The following SLC8A1 variants were observed in gnomAD, a reference collection of about 807,000 sequenced individuals.
The protein encoded by SLC8A1 is sodium/calcium exchanger 1.
A neutral mutation model predicts 68.3 loss-of-function variants in SLC8A1; 18 were observed. The observed-to-expected ratio is 0.26, with a 90% CI of 0.18 to 0.39. The LOEUF (loss-of-function observed/expected upper bound fraction) is 0.39, where lower values mean the gene tolerates loss of function less well. Among genes scored for constraint, SLC8A1 ranks in the 10% least tolerant of loss-of-function variants. SLC8A1 has a pLI of 1.00. For synonymous variants in SLC8A1, 475 were observed against 415.5 expected, an observed-to-expected ratio of 1.14 and a Z score of -1.74; for missense variants, 985 against 1,156.7, an observed-to-expected ratio of 0.85 and a Z score of 2.15.
At chr2:40,160,687 A>T in intron 6 of SLC8A1, 78 bp downstream of exon 9, 1 of 1,287,140 alleles carries the variant, frequency 7.8e-7, no homozygotes, top group Non-Finnish European at 1.1e-6. Context: ...GCTTTGCCAT[A>T]GACCAAGTAG....
chr2:40,286,966 G>A (rs2068419527), intron 2 of SLC8A1, among the ~76,000 whole-genome samples: 1 of 152,192 alleles, frequency 6.6e-6, no homozygotes, highest in Non-Finnish European at 1.5e-5. Context: ...AGTGCAATTT[G>A]AGACATGGAG....
At chr2:40,445,943 G>C (rs141421980) in intron 1 of SLC8A1, among the ~76,000 whole-genome samples, 40 of 152,294 alleles carry the variant, frequency 2.6e-4, no homozygotes, top group African/African-American at 8.7e-4. Context: ...CTTGGATGTA[G>C]AGTAAGCAGT....
chr2:40,139,820 A>G (rs2041222638), intron 6 of SLC8A1, 144 bp from the exon 10 acceptor site: 1 of 798,768 alleles, frequency 1.3e-6, no homozygotes, highest in East Asian at 2.5e-5. Flanking sequence ...GGGTTTTCCA[A>G]GAGTTAATCA....
At chr2:40,387,315 G>A (rs544460614) in intron 2 of SLC8A1, among the ~76,000 whole-genome samples, 1 of 151,370 alleles carries the variant, frequency 6.6e-6, no homozygotes, top group Non-Finnish European at 1.5e-5. Flanking sequence ...CATTACTGTG[G>A]CATGTAGAAG....
At chr2:40,212,281 A>ATGTGT (rs371395367) in intron 2 of SLC8A1, among the ~76,000 whole-genome samples, 1 of 118,212 alleles carries the variant, frequency 8.5e-6, no homozygotes, top group Non-Finnish European at 1.8e-5. Flanking sequence ...GAGATGCAAT[A>ATGTGT]TCTTTTTTTT....
intron 2 of SLC8A1, among the ~76,000 whole-genome samples, chr2:40,356,326 C>G (rs1672649471): frequency 6.6e-6 from 1 of 152,178 alleles, no homozygotes; most frequent in East Asian, 1.9e-4. Context: ...TTATGACTGA[C>G]TGACTGACTG....
intron 2 of SLC8A1, among the ~76,000 whole-genome samples, chr2:40,220,892 C>G (rs183810174): frequency 1.0e-3 from 154 of 151,698 alleles, no homozygotes; most frequent in African/African-American, 3.6e-3. Context: ...AAAGTCCTAT[C>G]AACCAAAAAA....
intron 2 of SLC8A1, among the ~76,000 whole-genome samples, chr2:40,349,345 A>G (rs1268879868): frequency 6.6e-6 from 1 of 152,224 alleles, no homozygotes; most frequent in Non-Finnish European, 1.5e-5. Flanking sequence ...GTGGGCAGGA[A>G]GAGAAAGAGG....
intron 7 of SLC8A1, among the ~76,000 whole-genome samples, chr2:40,126,756 C>T (rs916384818): frequency 2.0e-5 from 3 of 152,026 alleles, no homozygotes; most frequent in East Asian, 1.9e-4. Context: ...TCCATGATCT[C>T]GTTTAATTTT....
chr2:40,329,442 C>T (rs980521649), intron 2 of SLC8A1, among the ~76,000 whole-genome samples: 4 of 152,180 alleles, frequency 2.6e-5, no homozygotes, highest in African/African-American at 7.2e-5. Context: ...AAGGGCTGAA[C>T]TTCCTCTTGC....
intron 2 of SLC8A1, among the ~76,000 whole-genome samples, chr2:40,211,760 G>A (rs1263919470): frequency 1.3e-5 from 2 of 152,180 alleles, no homozygotes; most frequent in African/African-American, 4.8e-5. Context: ...ATTCAGCAAA[G>A]AGGTAGATGA....
rs567762943 is a variant in SLC8A1, at chr2:40,337,034, A to G, written c.1808+91439T>C. Reference sequence around the variant, plus strand: ...CCTAAGAAGATATGAACCTCTTTGTAATGCACTTCTAGAAGCCAACCAATT... The same window carrying G: ...CCTAAGAAGATATGAACCTCTTTGTGATGCACTTCTAGAAGCCAACCAATT... On this transcript the variant is annotated intron_variant, in intron 2 of 7. Transcript: ENST00000406785. Among the ~76,000 whole-genome samples the G allele has an allele frequency of 5.9e-5, 9 of 152,306 alleles. No individual in the cohort carries two copies. In the East Asian group the frequency reaches 1.5e-3, roughly 26 times the overall value.
chr2:40,359,377 T>C (rs1673819633), intron 2 of SLC8A1, among the ~76,000 whole-genome samples: 1 of 152,194 alleles, frequency 6.6e-6, no homozygotes, highest in African/African-American at 2.4e-5. Flanking sequence ...ATGACTCATA[T>C]TTTTCTTGGA....
chr2:40,329,901 C>G (rs1463734077), intron 2 of SLC8A1, among the ~76,000 whole-genome samples: 1 of 152,022 alleles, frequency 6.6e-6, no homozygotes, highest in Non-Finnish European at 1.5e-5. Context: ...GAATTTATGA[C>G]CAACCCTCCA....
rs141272449 is a variant in SLC8A1 at position 40,450,351 on chromosome 2, A to AGTGTGT, written c.-25+1547_-25+1552dup. ...TTGAGAGAGAAAGAGAAAGCATGTG[A>AGTGTGT]GTGTGTGTGTGTGTGTGTGCACGCG... is the stretch of plus-strand genomic sequence containing the variant. On this transcript the variant is annotated intron_variant, in intron 1 of 7. Transcript: ENST00000406785. Among the ~76,000 whole-genome samples, 505 of 149,896 alleles carry AGTGTGT rather than the reference A, an allele frequency of 3.4e-3. 1 individual carries two copies. Among genetic ancestry groups the AGTGTGT allele is most frequent in the African/African-American group, 5.4e-3 (221 of 40,738 alleles).
chr2:40,458,865 A>C (rs1022420604), intron 1 of SLC8A1, among the ~76,000 whole-genome samples: 15 of 152,064 alleles, frequency 9.9e-5, no homozygotes, highest in African/African-American at 3.6e-4. Flanking sequence ...CTTATTTATT[A>C]TTTTTCAAGA....
upstream of SLC8A1, chr2:40,453,284 G>T (rs535675986): frequency 5.4e-4 from 83 of 152,334 alleles, no homozygotes; most frequent in African/African-American, 1.7e-3. Context: ...GGCCACTGGT[G>T]TCGTTTGCCA....
At chr2:40,497,987 T>C (rs990785191) in intron 1 of SLC8A1, among the ~76,000 whole-genome samples, 1 of 151,974 alleles carries the variant, frequency 6.6e-6, no homozygotes, top group African/African-American at 2.4e-5. Context: ...CAGATGGTAA[T>C]GGATATGAGA....
At chr2:40,165,109 G>T in intron 4 of SLC8A1, 125 bp from the exon 8 acceptor site, 1 of 1,167,720 alleles carries the variant, frequency 8.6e-7, no homozygotes, top group Admixed American at 1.9e-5. Flanking sequence ...CCCTGGGTGA[G>T]ATCACGATGC....
Sources: allele counts gnomAD v4.1 joint callset (sites outside exome capture counted in the v4.1 genomes callset), GRCh38; gene constraint gnomAD v4.1.1; transcripts MANE v1.5; gene names NCBI Gene and HGNC (gene_info 2026-07-23, HGNC 2026-07-21).